Variants in PPARGC1A observed in about 807,000 individuals in gnomAD.
The protein encoded by PPARGC1A is PPARG coactivator 1 alpha.
PPARGC1A carries 25 observed loss-of-function variants against 88.7 expected under a neutral mutation model. The observed-to-expected ratio is 0.28, with a 90% CI of 0.21 to 0.39. The LOEUF (loss-of-function observed/expected upper bound fraction) is 0.39, where lower values mean the gene tolerates loss of function less well. PPARGC1A is among the 10% of genes least tolerant of loss of function. The probability of loss-of-function intolerance (pLI) is 1.00; values close to 1 mark genes in which losing one functional copy is unlikely to be tolerated. For synonymous variants in PPARGC1A, 363 were observed against 355.6 expected, an observed-to-expected ratio of 1.02 and a Z score of -0.24; for missense variants, 880 against 968.7, an observed-to-expected ratio of 0.91 and a Z score of 1.22.
the PPARGC1A span, among the ~76,000 whole-genome samples, chr4:23,915,940 C>G: frequency 6.6e-6 from 1 of 152,204 alleles, no homozygotes; most frequent in African/African-American, 2.4e-5. Flanking sequence ...CATGGCATAA[C>G]TGTGAAGCAT....
chr4:24,374,849 TA>T, the PPARGC1A span, among the ~76,000 whole-genome samples: 4 of 152,076 alleles, frequency 2.6e-5, no homozygotes, highest in African/African-American at 4.8e-5. Context: ...TGGAAAAAAT[TA>T]AACATGGTGT....
At chr4:23,917,399 G>A in the PPARGC1A span, among the ~76,000 whole-genome samples, 1 of 144,634 alleles carries the variant, frequency 6.9e-6, no homozygotes, top group African/African-American at 2.6e-5. Context: ...TTTTGAGACA[G>A]AGTCCTGCTC....
chr4:24,071,401 A>G, the PPARGC1A span, among the ~76,000 whole-genome samples: 9 of 152,136 alleles, frequency 5.9e-5, no homozygotes, highest in East Asian at 1.9e-4. Context: ...TAATATTAAC[A>G]TTGGAAAGCT....
chr4:24,352,424 A>G, the PPARGC1A span, among the ~76,000 whole-genome samples: 2 of 152,188 alleles, frequency 1.3e-5, no homozygotes, highest in African/African-American at 4.8e-5. Flanking sequence ...CCAGCTCCAA[A>G]GAGGTAATTA....
the PPARGC1A span, among the ~76,000 whole-genome samples, chr4:23,952,008 C>T: frequency 6.6e-6 from 1 of 151,716 alleles, no homozygotes; most frequent in Non-Finnish European, 1.5e-5. Context: ...ATATTTACTG[C>T]GTGGGACACC....
the PPARGC1A span, among the ~76,000 whole-genome samples, chr4:23,926,362 A>C: frequency 6.6e-6 from 1 of 151,996 alleles, no homozygotes. Flanking sequence ...AATCCACCCA[A>C]ACCAAAAATA....
the PPARGC1A span, among the ~76,000 whole-genome samples, chr4:23,978,454 G>A: frequency 2.7e-4 from 41 of 152,116 alleles, no homozygotes; most frequent in Admixed American, 2.6e-3. Flanking sequence ...TTAAGGCGTC[G>A]AGCCTCTGTG....
At chr4:24,143,908 G>T in the PPARGC1A span, among the ~76,000 whole-genome samples, 1 of 152,212 alleles carries the variant, frequency 6.6e-6, no homozygotes, top group African/African-American at 2.4e-5. Flanking sequence ...CTTACTCCAA[G>T]TTTGCTTCAA....
chr4:23,810,500 T>A (rs976307090), intron 10 of PPARGC1A, among the ~76,000 whole-genome samples: 1 of 152,208 alleles, frequency 6.6e-6, no homozygotes, highest in Admixed American at 6.5e-5. Flanking sequence ...CCAATGACAC[T>A]ACTTGCTCTA....
chr4:24,463,361 C>T, the PPARGC1A span, among the ~76,000 whole-genome samples: 1 of 152,182 alleles, frequency 6.6e-6, no homozygotes, highest in South Asian at 2.1e-4. Context: ...TTAATGTAAG[C>T]ATATCCTTCA....
At chr4:24,120,212 G>T in the PPARGC1A span, among the ~76,000 whole-genome samples, 1 of 152,146 alleles carries the variant, frequency 6.6e-6, no homozygotes, top group Non-Finnish European at 1.5e-5. Context: ...ACCTGGGTCT[G>T]TCTGCTTCCC....
chr4:23,900,776 T>G (rs1719240363), upstream of PPARGC1A, among the ~76,000 whole-genome samples: 1 of 152,192 alleles, frequency 6.6e-6, no homozygotes, highest in African/African-American at 2.4e-5. Flanking sequence ...TCTACTTACC[T>G]AAAGAAAAAT....
At chr4:24,314,402 C>A in the PPARGC1A span, among the ~76,000 whole-genome samples, 1 of 152,120 alleles carries the variant, frequency 6.6e-6, no homozygotes, top group Non-Finnish European at 1.5e-5. Context: ...CTAACTTAGT[C>A]CCTCTTTGTC....
chr4:24,403,509 C>G, the PPARGC1A span, among the ~76,000 whole-genome samples: 2 of 152,216 alleles, frequency 1.3e-5, no homozygotes, highest in East Asian at 3.8e-4. Flanking sequence ...AAAGGCCACC[C>G]AGCACAGCAT....
the PPARGC1A span, among the ~76,000 whole-genome samples, chr4:24,387,920 AAG>A: frequency 0.028 from 527 of 18,940 alleles, 31 homozygotes; most frequent in Middle Eastern, 0.071. Flanking sequence ...GAAAGAAAGA[AAG>A]AAAGAAAGAA....
chr4:24,078,310 G>T, the PPARGC1A span, among the ~76,000 whole-genome samples: 1 of 152,052 alleles, frequency 6.6e-6, no homozygotes, highest in South Asian at 2.1e-4. Context: ...GGATTGGTCA[G>T]TTTCCCCAGA....
chr4:24,020,393 T>C, the PPARGC1A span, among the ~76,000 whole-genome samples: 3 of 152,200 alleles, frequency 2.0e-5, no homozygotes, highest in Non-Finnish European at 2.9e-5. Context: ...ACAATTAATA[T>C]TGACTGTACC....
the PPARGC1A span, among the ~76,000 whole-genome samples, chr4:24,106,228 A>G: frequency 6.6e-6 from 1 of 152,290 alleles, no homozygotes; most frequent in East Asian, 1.9e-4. Context: ...AAACCGAAAG[A>G]TGCCTCCTTT....
the PPARGC1A span, among the ~76,000 whole-genome samples, chr4:24,053,808 T>C: frequency 4.6e-5 from 7 of 152,194 alleles, no homozygotes; most frequent in African/African-American, 1.4e-4. Flanking sequence ...TGGGTATCCA[T>C]AAATTTCTCA....
Sources: allele counts gnomAD v4.1 joint callset (sites outside exome capture counted in the v4.1 genomes callset), GRCh38; gene constraint gnomAD v4.1.1; transcripts MANE v1.5; gene names NCBI Gene and HGNC (gene_info 2026-07-23, HGNC 2026-07-21).